CRYBG1: variants seen among roughly 807,000 people sequenced by gnomAD.
CRYBG1 encodes the protein crystallin beta-gamma domain containing 1, also known as beta/gamma crystallin domain-containing protein 1.
In CRYBG1, 139 loss-of-function variants were observed where a neutral mutation model predicts 189.2. The ratio of observed to expected loss-of-function variants is 0.73; its 90% confidence interval spans 0.64 to 0.85. The LOEUF (loss-of-function observed/expected upper bound fraction) is 0.85, where lower values mean the gene tolerates loss of function less well. Among genes scored for constraint, CRYBG1 ranks in the 40% least tolerant of loss-of-function variants. The pLI is 0.00. For missense variants in CRYBG1, 2,611 were observed against 2,675.8 expected (o/e 0.98, Z 0.53); for synonymous variants, 1,023 against 1,017.1 (o/e 1.01, Z -0.11).
intron 17 of CRYBG1, among the ~76,000 whole-genome samples, chr6:106,557,025 T>C (rs1323208506): frequency 6.6e-6 from 1 of 152,198 alleles, no homozygotes; most frequent in Non-Finnish European, 1.5e-5. Context: ...TGACATCTTT[T>C]TATGTTTTAA....
rs1562101762 is a variant in CRYBG1 at position 106,520,359 on chromosome 6, CT to C, written c.3152del (p.Leu1051ArgfsTer17). 1 of 1,614,124 alleles carries C rather than the reference CT, an allele frequency of 6.2e-7. No homozygotes were observed. The highest frequency in any genetic ancestry group is 8.5e-7 in the Non-Finnish European group (1 of 1,180,022). On this transcript the variant is annotated frameshift_variant, in exon 4 of 22. Transcript: ENST00000633556. LOFTEE classifies it high-confidence loss of function. ...TCAAAGTCAGGGCAGCAGAACACCC[CT>C]GATGGCTGAATCCAGTCCCACCAAC... ...QAQSQGSRTP[L>X]MAESSPTNSP...
At chr6:106,472,257 A>G (rs1772247110) in intron 2 of CRYBG1, among the ~76,000 whole-genome samples, 2 of 152,344 alleles carry the variant, frequency 1.3e-5, no homozygotes, top group South Asian at 2.1e-4. Flanking sequence ...TCTCATGAAC[A>G]CAAAGTGTAT....
intron 20 of CRYBG1, among the ~76,000 whole-genome samples, chr6:106,561,828 C>T (rs1325005210): frequency 4.6e-5 from 7 of 152,158 alleles, no homozygotes; most frequent in Non-Finnish European, 1.0e-4. Flanking sequence ...TAAGCTCCAG[C>T]CCTGTCAACA....
Position 106,512,483 on chromosome 6 carries a change from G to T in CRYBG1, c.1366G>T (p.Ala456Ser). Residue 456 changes from alanine (A) to serine (S), a missense_variant, in exon 3 of 22, where the codon GCG becomes TCG. This residue lies in a region of CRYBG1 where 985 missense variants were observed against 924.4 expected (regional missense o/e 1.07). Transcript: ENST00000633556. ...GTTCGACGACGAGGTGGCGCCAAAC[G>T]CGGCCAGCGATAACGCCTCGGCGGA... Reference protein sequence around the residue: ...AVFDDEVAPNAASDNASAEKK... With the variant: ...AVFDDEVAPNSASDNASAEKK... The T allele has an allele frequency of 3.1e-6, 5 of 1,611,460 alleles. No homozygotes were observed. Among genetic ancestry groups the T allele is most frequent in the Non-Finnish European group, 4.2e-6 (5 of 1,179,288 alleles).
intron 2 of CRYBG1, among the ~76,000 whole-genome samples, chr6:106,481,547 C>T (rs1344937204): frequency 6.6e-6 from 1 of 150,428 alleles, no homozygotes; most frequent in African/African-American, 2.5e-5. Context: ...TACCTTCTCT[C>T]CTGGAGACCC....
At chr6:106,431,052 G>T (rs1485909680) in intron 1 of CRYBG1, among the ~76,000 whole-genome samples, 1 of 151,900 alleles carries the variant, frequency 6.6e-6, no homozygotes, top group Non-Finnish European at 1.5e-5. Flanking sequence ...AGTAGAGATG[G>T]GGTTTCACCA....
chr6:106,527,461 T>A lies in CRYBG1; in HGVS notation c.4569T>A (p.His1523Gln), dbSNP rs1290139567. The A allele has an allele frequency of 6.2e-7, 1 of 1,610,700 alleles. No homozygotes were observed. Among genetic ancestry groups the A allele is most frequent in the East Asian group, 2.2e-5 (1 of 44,734 alleles). Residue 1523 changes from histidine to glutamine, a missense_variant, in exon 7 of 22, where the codon CAT (histidine) becomes CAA (glutamine). By Grantham distance (24) the His-to-Gln change is conservative. Around this residue, in one of 3 missense-constraint regions of CRYBG1, gnomAD observed 1,622 missense variants for 1,735.0 expected, o/e 0.93. Transcript: ENST00000633556. ...CAGTGGTGATTGGTTCCATCAGACA[T>A]GTGGTTCAGGTAGGTTGTGGTAAAT... ...DKPVVIGSIR[H>Q]VVQDYRVSHI...
chr6:106,546,542 T>TA (rs1774269210), intron 13 of CRYBG1, among the ~76,000 whole-genome samples: 2 of 151,926 alleles, frequency 1.3e-5, no homozygotes, highest in South Asian at 4.2e-4. Context: ...GTAAATAGAG[T>TA]AAAAAAAACC....
At chr6:106,510,009 T>A (rs1407964782) in intron 2 of CRYBG1, among the ~76,000 whole-genome samples, 1 of 152,202 alleles carries the variant, frequency 6.6e-6, no homozygotes, top group Non-Finnish European at 1.5e-5. Context: ...AAAGTCCATT[T>A]GCTGCATGTA....
intron 6 of CRYBG1, among the ~76,000 whole-genome samples, chr6:106,526,492 A>T (rs572675212): frequency 9.2e-5 from 14 of 152,098 alleles, no homozygotes; most frequent in Non-Finnish European, 1.5e-4. Flanking sequence ...ATATATTGAC[A>T]TGAGGTTTTT....
rs756702305 is a variant in CRYBG1 at position 106,568,631 on chromosome 6, G to A, written c.*65G>A. The A allele has an allele frequency of 7.3e-5, 89 of 1,212,016 alleles. No homozygotes were observed. The highest frequency in any genetic ancestry group is 1.0e-4 in the Non-Finnish European group (85 of 825,772). 75.1% of individuals were successfully genotyped at this position (1,212,016 alleles called of 1,614,324 possible). A position where few individuals can be genotyped will look rare whatever the true frequency, so the allele number is the denominator to read the frequency against. On this transcript the variant is annotated 3_prime_UTR_variant, in exon 22 of 22. Coordinates refer to ENST00000633556, the MANE Select transcript of CRYBG1 (RefSeq NM_001371242.2). Reference sequence around the variant, plus strand: ...CACCTTATTTCTTAAAAAGGACAATGCTGATGGAAGACCAGACTGGAAAGT... The same window carrying A: ...CACCTTATTTCTTAAAAAGGACAATACTGATGGAAGACCAGACTGGAAAGT...
chr6:106,378,390 T>C (rs1012622820), intron 1 of CRYBG1, among the ~76,000 whole-genome samples: 1 of 152,234 alleles, frequency 6.6e-6, no homozygotes, highest in African/African-American at 2.4e-5. Context: ...GTGGGGCCTG[T>C]AGATCCCATC....
chr6:106,364,264 T>C (rs1249061702), intron 1 of CRYBG1, among the ~76,000 whole-genome samples: 1 of 151,950 alleles, frequency 6.6e-6, no homozygotes, highest in Non-Finnish European at 1.5e-5. Flanking sequence ...GAGATGAAGG[T>C]TGTGGTGAGC....
In CRYBG1 at chr6:106,460,781, GTTGTT is replaced by G. The variant is rs553616525; in HGVS notation, c.312+8967_312+8971del. 1.2e-4 allele frequency among the ~76,000 whole-genome samples: 18 copies of G among 152,126 alleles called. No homozygotes were observed. The South Asian group carries it at 2.3e-3, about 19-fold the overall frequency. ...CTGCGACTTTCAATCCCTTTGTTTT[GTTGTT>G]TTGTTTTGTTTTGTTTTCTTGAGAC... On this transcript the variant is annotated intron_variant, in intron 2 of 21. Coordinates refer to ENST00000633556, the MANE Select transcript of CRYBG1 (RefSeq NM_001371242.2).
At chr6:106,387,113 G>C (rs1770406811) in intron 1 of CRYBG1, among the ~76,000 whole-genome samples, 1 of 152,170 alleles carries the variant, frequency 6.6e-6, no homozygotes, top group South Asian at 2.1e-4. Context: ...AAAATATCCA[G>C]AGGTGGAACC....
Position 106,493,417 on chromosome 6 carries a change from A to T in CRYBG1, c.313-18013A>T, listed in dbSNP as rs961870343. Among the ~76,000 whole-genome samples, 3 of 152,222 alleles carry T rather than the reference A, an allele frequency of 2.0e-5. No individual in the cohort carries two copies. The East Asian group carries it at 5.8e-4, about 29-fold the overall frequency. ...GGGAATATAAAATGGTGCAGCTACT[A>T]TAGGAAAGAGTATGGCAATTCCTCA... On this transcript the variant is annotated intron_variant, in intron 2 of 21. Transcript: ENST00000633556.
At chr6:106,551,301 A>G (rs1774398744) in intron 13 of CRYBG1, among the ~76,000 whole-genome samples, 1 of 152,190 alleles carries the variant, frequency 6.6e-6, no homozygotes, top group African/African-American at 2.4e-5. Context: ...CGCTTAGGAT[A>G]GTGACCTCCA....
chr6:106,563,452 T>A (rs908526160), intron 20 of CRYBG1, among the ~76,000 whole-genome samples: 1 of 152,094 alleles, frequency 6.6e-6, no homozygotes, highest in Non-Finnish European at 1.5e-5. Context: ...TGGTCACTTA[T>A]GACAGGGAAA....
At chr6:106,378,885 C>T (rs1770228593) in intron 1 of CRYBG1, among the ~76,000 whole-genome samples, 1 of 152,126 alleles carries the variant, frequency 6.6e-6, no homozygotes, top group Non-Finnish European at 1.5e-5. Context: ...TGTGGTGGCT[C>T]ATGCCTATAA....
Sources: gnomAD v4.1 joint callset for allele counts (sites outside exome capture counted in the v4.1 genomes callset) on GRCh38, gnomAD v4.1.1 for gene constraint, gnomAD v4.1.1 regional missense constraint, MANE v1.5 for transcripts, NCBI Gene and HGNC (gene_info 2026-07-23, HGNC 2026-07-21) for gene names.